The following PCDHGB7 variants were observed in gnomAD, a reference collection of about 807,000 sequenced individuals.
The protein encoded by PCDHGB7 is protocadherin gamma subfamily B, 7.
Under a neutral mutation model 61.4 loss-of-function variants are expected in PCDHGB7, and 37 were observed. That is an observed-to-expected ratio of 0.60 (90% CI 0.46 to 0.79). PCDHGB7 has a LOEUF of 0.79. PCDHGB7 is among the 30% of genes least tolerant of loss of function. The pLI is 0.00. For missense variants in PCDHGB7, 1,166 were observed against 1,202.5 expected (o/e 0.97, Z 0.45); for synonymous variants, 464 against 503.5 (o/e 0.92, Z 1.05).
intron 2 of PCDHGB7, among the ~76,000 whole-genome samples, chr5:141,501,052 A>G (rs1007055288): frequency 6.6e-6 from 1 of 151,988 alleles, no homozygotes; most frequent in Non-Finnish European, 1.5e-5. Flanking sequence ...TATTTTTAGT[A>G]GAGACGGGGT....
At chr5:141,437,561 C>G (rs1228292384) in intron 1 of PCDHGB7, among the ~76,000 whole-genome samples, 1 of 152,110 alleles carries the variant, frequency 6.6e-6, no homozygotes, top group Non-Finnish European at 1.5e-5. Context: ...TGACATGTAA[C>G]AGAGTATAGC....
intron 1 of PCDHGB7, chr5:141,422,819 TGAGA>T (rs766395950): frequency 6.2e-7 from 1 of 1,614,188 alleles, no homozygotes; most frequent in African/African-American, 1.3e-5. Flanking sequence ...GACTTAGAAC[TGAGA>T]GTGATAGCAC....
chr5:141,424,434 T>C (rs2096821185), intron 1 of PCDHGB7: 1 of 151,048 alleles, frequency 6.6e-6, no homozygotes, highest in Admixed American at 6.6e-5. Flanking sequence ...GAGGAAATAA[T>C]TGAATTATTG....
At chr5:141,458,735 A>G (rs2098952642) in intron 1 of PCDHGB7, among the ~76,000 whole-genome samples, 1 of 148,560 alleles carries the variant, frequency 6.7e-6, no homozygotes, top group East Asian at 2.0e-4. Context: ...ACATCCAGCT[A>G]TTGGTTTTGG....
At chr5:141,427,352 G>A (rs982774903) in intron 1 of PCDHGB7, 3 of 457,474 alleles carry the variant, frequency 6.6e-6, no homozygotes, top group African/African-American at 6.0e-5. Flanking sequence ...CTGTAACTGA[G>A]GACGCAGAAC....
Position 141,487,265 on chromosome 5 carries a change from G to C in PCDHGB7, c.2416-7542G>C, listed in dbSNP as rs144347539. 6,978 of 1,614,152 alleles carry C rather than the reference G, an allele frequency of 4.3e-3. 28 individuals carry two copies. Among genetic ancestry groups the C allele is most frequent in the Non-Finnish European group, 4.9e-3 (5,770 of 1,180,028 alleles). ...AACCCTCTACTTGGCTGTGTCCCTA[G>C]TGGCAATTTGCTTTGTCTCCTTTGG... On this transcript the variant is annotated intron_variant, in intron 1 of 3. Coordinates refer to ENST00000398594, the MANE Select transcript of PCDHGB7 (RefSeq NM_018927.4). This position sits in a 1 kb window ranked among gnomAD's most constrained non-coding sequence, Gnocchi z 5.0.
rs775312856 is a variant in PCDHGB7, at chr5:141,485,899, C to G, written c.2416-8908C>G. 1.9e-6 allele frequency: 3 copies of G among 1,614,166 alleles called. No homozygotes were observed. Among genetic ancestry groups the G allele is most frequent in the Non-Finnish European group, 2.5e-6 (3 of 1,180,032 alleles). ...ACGTAAACGACAACGCCCCAGCCTT[C>G]CAGCAATCCAGCTACAGGATTAGTG... On this transcript the variant is annotated intron_variant, in intron 1 of 3. Transcript: ENST00000398594. The surrounding 1 kb of genome is among the most constrained non-coding windows in gnomAD (Gnocchi z 5.7).
At chr5:141,481,193 A>AT (rs1437708630) in intron 1 of PCDHGB7, among the ~76,000 whole-genome samples, 4 of 152,216 alleles carry the variant, frequency 2.6e-5, no homozygotes, top group African/African-American at 7.2e-5. Context: ...GCCAGGCCCA[A>AT]TTTTTTTAAA....
intron 1 of PCDHGB7, chr5:141,423,131 A>G (rs370773437): frequency 1.9e-6 from 3 of 1,613,538 alleles, no homozygotes; most frequent in Admixed American, 1.7e-5. Context: ...GCACTGCTGG[A>G]CAGAGACGCG....
At chr5:141,505,241 T>C in intron 2 of PCDHGB7, 152 bp from the exon 3 acceptor site, 3 of 1,396,292 alleles carry the variant, frequency 2.1e-6, no homozygotes, top group South Asian at 1.4e-5. Flanking sequence ...TTCTGAAGGA[T>C]TGTAGAAGTG....
chr5:141,425,943 C>T (rs2096904576), intron 1 of PCDHGB7, among the ~76,000 whole-genome samples: 1 of 152,220 alleles, frequency 6.6e-6, no homozygotes, highest in African/African-American at 2.4e-5. Flanking sequence ...TGTCTAGTTT[C>T]CTATACATTA....
At chr5:141,499,730 T>C (rs1412528402) in intron 2 of PCDHGB7, among the ~76,000 whole-genome samples, 1 of 143,912 alleles carries the variant, frequency 6.9e-6, no homozygotes, top group East Asian at 2.1e-4. Context: ...AGTCTCACTC[T>C]CTTGCCCAGG....
intron 1 of PCDHGB7, among the ~76,000 whole-genome samples, chr5:141,458,338 G>A (rs1160200932): frequency 2.6e-5 from 4 of 152,134 alleles, no homozygotes; most frequent in African/African-American, 9.7e-5. Context: ...GTTTTAAGGA[G>A]TGGAGAGTTT....
intron 1 of PCDHGB7, among the ~76,000 whole-genome samples, chr5:141,452,054 C>A (rs578157525): frequency 6.4e-4 from 97 of 152,196 alleles, no homozygotes; most frequent in African/African-American, 2.2e-3. Flanking sequence ...TTTGTAATAA[C>A]TTATTCTACT....
intron 3 of PCDHGB7, among the ~76,000 whole-genome samples, chr5:141,505,969 A>G (rs1454691041): frequency 1.3e-5 from 2 of 152,142 alleles, no homozygotes; most frequent in Non-Finnish European, 2.9e-5. Context: ...AGAAATCCCC[A>G]GCCGAGAGAA....
At chr5:141,436,200 T>C (rs1266606536) in intron 1 of PCDHGB7, among the ~76,000 whole-genome samples, 1 of 152,014 alleles carries the variant, frequency 6.6e-6, no homozygotes, top group African/African-American at 2.4e-5. Context: ...AAGAAAGACA[T>C]AATAGGAAAA....
Position 141,464,279 on chromosome 5 carries a change from CA to C in PCDHGB7, c.2416-30517del, listed in dbSNP as rs373828487. Among the ~76,000 whole-genome samples, 143 of 137,732 alleles carry C rather than the reference CA, an allele frequency of 1.0e-3. 2 individuals are homozygous for C. The Middle Eastern group carries it at 0.015, about 15-fold the overall frequency. 90.4% of individuals were successfully genotyped at this position (137,732 alleles called of 152,430 possible). A position where few individuals can be genotyped will look rare whatever the true frequency, so the allele number is the denominator to read the frequency against. The stretch of plus-strand genomic sequence containing the variant: ...GACTCCGTCTAAAAAAAAAAAAAAG[CA>C]AAAAAAAAAACTCCATTGTATGTGC... On this transcript the variant is annotated intron_variant, in intron 1 of 3. Transcript: ENST00000398594.
chr5:141,500,501 G>T (rs571735791), intron 2 of PCDHGB7, among the ~76,000 whole-genome samples: 6 of 152,176 alleles, frequency 3.9e-5, no homozygotes, highest in Non-Finnish European at 8.8e-5. Context: ...GAGCCACCGC[G>T]CCTGGCCGAG....
At position 141,477,056 on chromosome 5, in the gene PCDHGB7, G is replaced by T; in HGVS notation, c.2416-17751G>T. 6.2e-7 allele frequency: 1 copy of T among 1,614,242 alleles called. No homozygotes were observed. The highest frequency in any genetic ancestry group is 8.5e-7 in the Non-Finnish European group (1 of 1,180,046). Reference sequence around the variant, plus strand: ...AATCAAGGGTCGGCTGGACTTCGAGGACACCAAACTCCATGAGATTTACAT... The same window carrying T: ...AATCAAGGGTCGGCTGGACTTCGAGTACACCAAACTCCATGAGATTTACAT... On this transcript the variant is annotated intron_variant, in intron 1 of 3. Coordinates refer to ENST00000398594, the MANE Select transcript of PCDHGB7 (RefSeq NM_018927.4). This position sits in a 1 kb window ranked among gnomAD's most constrained non-coding sequence, Gnocchi z 4.9.
Sources: gnomAD v4.1 joint callset for allele counts (sites outside exome capture counted in the v4.1 genomes callset) on GRCh38, gnomAD v4.1.1 for gene constraint, Gnocchi (gnomAD v3.1) non-coding constraint, MANE v1.5 for transcripts, NCBI Gene and HGNC (gene_info 2026-07-23, HGNC 2026-07-21) for gene names.